Variants in UBE3C observed in about 807,000 individuals in gnomAD.
UBE3C encodes ubiquitin-protein ligase E3C.
Under a neutral mutation model 129.4 loss-of-function variants are expected in UBE3C, and 42 were observed. The observed-to-expected ratio is 0.32, with a 90% CI of 0.25 to 0.42. The LOEUF is 0.42. UBE3C is among the 10% of genes least tolerant of loss of function. The pLI is 1.00. For synonymous variants in UBE3C, 510 were observed against 492.4 expected (o/e 1.04, Z -0.47); for missense variants, 1,049 against 1,319.1 (o/e 0.80, Z 3.17).
At chr7:157,224,361 A>G (rs1306444696) in intron 16 of UBE3C, among the ~76,000 whole-genome samples, 6 of 151,786 alleles carry the variant, frequency 4.0e-5, no homozygotes, top group Non-Finnish European at 8.8e-5. Flanking sequence ...TGCCTGGCTA[A>G]TTTTTTGTAT....
intron 13 of UBE3C, among the ~76,000 whole-genome samples, chr7:157,214,022 G>A (rs891976054): frequency 5.3e-5 from 8 of 151,972 alleles, no homozygotes; most frequent in East Asian, 1.9e-4. Context: ...CCACAGTGCC[G>A]TCTATCTTGA....
intron 22 of UBE3C, among the ~76,000 whole-genome samples, chr7:157,258,693 C>T (rs1354213589): frequency 5.9e-5 from 9 of 152,186 alleles, no homozygotes; most frequent in Admixed American, 2.0e-4. Context: ...CTCCTGACCT[C>T]AGGTGATCCA....
At chr7:157,156,883 C>T (rs1351157925) in intron 1 of UBE3C, among the ~76,000 whole-genome samples, 1 of 152,012 alleles carries the variant, frequency 6.6e-6, no homozygotes, top group Non-Finnish European at 1.5e-5. Context: ...TAATTTTCAG[C>T]AGCCAAAAAA....
Position 157,181,593 on chromosome 7 carries a change from T to C in UBE3C, c.692T>C (p.Val231Ala). ...ATTGAATATTCTGATTTATCTCGAG[T>C]TCCTATAGCAAAAATTTTGCTAGAG... ...SSIEYSDLSR[V>A]PIAKILLENV... Residue 231 changes from valine (V) to alanine (A), a missense_variant, in exon 7 of 23, where the codon GTT becomes GCT. Coordinates refer to ENST00000348165, the MANE Select transcript of UBE3C (RefSeq NM_014671.3). 1 of 1,613,590 alleles carries C rather than the reference T, an allele frequency of 6.2e-7. No homozygotes were observed. Among genetic ancestry groups the C allele is most frequent in the Non-Finnish European group, 8.5e-7 (1 of 1,179,770 alleles).
intron 10 of UBE3C, among the ~76,000 whole-genome samples, chr7:157,196,336 A>G (rs900629503): frequency 6.6e-6 from 1 of 152,236 alleles, no homozygotes; most frequent in Admixed American, 6.5e-5. Context: ...GTAACTTGTT[A>G]TGGTGGCAAT....
intron 1 of UBE3C, among the ~76,000 whole-genome samples, chr7:157,150,834 G>A (rs544575221): frequency 1.3e-5 from 2 of 152,306 alleles, no homozygotes; most frequent in East Asian, 3.9e-4. Flanking sequence ...TTATTGCTGT[G>A]TAATAGAGCT....
intron 16 of UBE3C, among the ~76,000 whole-genome samples, chr7:157,224,557 G>A (rs1044084727): frequency 1.4e-4 from 21 of 152,078 alleles, no homozygotes; most frequent in Admixed American, 2.6e-4. Context: ...TGTCTTTGAT[G>A]TACAAAACTT....
In UBE3C at chr7:157,267,887, C is replaced by T. The variant is rs76065469; in HGVS notation, c.*132C>T. On this transcript the variant is annotated 3_prime_UTR_variant, in exon 23 of 23. Coordinates refer to ENST00000348165, the MANE Select transcript of UBE3C (RefSeq NM_014671.3). The stretch of plus-strand genomic sequence containing the variant: ...AGCTCCTTCTTTCATTCTGCCATTC[C>T]TCCCTCCCTTCCTTTTTTAAATGAT... 1,548 of 678,226 alleles carry T rather than the reference C, an allele frequency of 2.3e-3. 2 individuals are homozygous for T. The highest frequency in any genetic ancestry group is 4.7e-3 in the Admixed American group (129 of 27,534). The allele number at this position is 678,226 out of a possible 1,614,324, so 42.0% of individuals were successfully genotyped here.
chr7:157,264,238 TACAC>T (rs139566083), intron 22 of UBE3C, among the ~76,000 whole-genome samples: 2,378 of 125,404 alleles, frequency 0.019, 82 homozygotes, highest in African/African-American at 0.07. Flanking sequence ...CTCGGCCTGT[TACAC>T]ACACACACAC....
chr7:157,254,239 C>T lies in UBE3C; in HGVS notation c.2884-5C>T, dbSNP rs772312872. The T allele has an allele frequency of 2.5e-6, 4 of 1,612,128 alleles. No individual in the cohort carries two copies. The highest frequency in any genetic ancestry group is 2.5e-6 in the Non-Finnish European group (3 of 1,179,524). ...AAATGTTATTATTTGAACTTTTTTC[C>T]TTAGGTATTAATTTCTGGTGCACAA... On this transcript the variant is annotated splice_region_variant and splice_polypyrimidine_tract_variant and intron_variant, in intron 20 of 22. Coordinates refer to ENST00000348165, the MANE Select transcript of UBE3C (RefSeq NM_014671.3).
intron 18 of UBE3C, among the ~76,000 whole-genome samples, chr7:157,248,076 A>G (rs543269358): frequency 6.6e-6 from 1 of 152,246 alleles, no homozygotes; most frequent in South Asian, 2.1e-4. Context: ...GAGGAGGAGC[A>G]TTTGTTGGCT....
rs983572680 is a variant in UBE3C at position 157,267,951 on chromosome 7, C to T, written c.*196C>T. 12 of 476,680 alleles carry T rather than the reference C, an allele frequency of 2.5e-5. No homozygotes were observed. The highest frequency in any genetic ancestry group is 2.2e-4 in the African/African-American group (11 of 49,252). The allele number at this position is 476,680 out of a possible 1,614,324, so 29.5% of individuals were successfully genotyped here. ...TGGTCACTTATTTAGATGGACATTG[C>T]TTTTCAAATAACTTAAAATAACACG... On this transcript the variant is annotated 3_prime_UTR_variant, in exon 23 of 23. Transcript: ENST00000348165.
intron 18 of UBE3C, among the ~76,000 whole-genome samples, chr7:157,247,711 A>T (rs1268598464): frequency 6.6e-6 from 1 of 152,126 alleles, no homozygotes; most frequent in Non-Finnish European, 1.5e-5. Context: ...AAAGAGCATA[A>T]GTAATATTTC....
chr7:157,242,527 T>TGG (rs1796364312), intron 18 of UBE3C, among the ~76,000 whole-genome samples: 1 of 143,056 alleles, frequency 7.0e-6, no homozygotes, highest in Non-Finnish European at 1.5e-5. Flanking sequence ...TTTTTTTTTT[T>TGG]TTTTTTTTTT....
At chr7:157,207,991 G>A in intron 13 of UBE3C, 56 bp downstream of exon 13, 3 of 1,004,574 alleles carry the variant, frequency 3.0e-6, no homozygotes, top group Admixed American at 4.6e-5. Context: ...ACAAACTTTT[G>A]TCTTGACTCG....
chr7:157,265,200 G>A (rs1420424304), intron 22 of UBE3C, among the ~76,000 whole-genome samples: 1 of 152,186 alleles, frequency 6.6e-6, no homozygotes, highest in Middle Eastern at 3.2e-3. Flanking sequence ...AGAGTTTCGT[G>A]TACACGTGTG....
chr7:157,267,472 A>G, intron 22 of UBE3C, 113 bp from the exon 23 acceptor site: 1 of 1,272,782 alleles, frequency 7.9e-7, no homozygotes, highest in Non-Finnish European at 1.1e-6. Flanking sequence ...GGAAAATGTG[A>G]CTGCAATGGT....
intron 22 of UBE3C, among the ~76,000 whole-genome samples, chr7:157,260,903 C>A (rs374586429): frequency 2.6e-5 from 4 of 152,324 alleles, no homozygotes; most frequent in Non-Finnish European, 5.9e-5. Flanking sequence ...CGAGAGCCTT[C>A]TCCACCTCCG....
At chr7:157,237,772 G>A (rs1313152927) in intron 18 of UBE3C, among the ~76,000 whole-genome samples, 4 of 152,070 alleles carry the variant, frequency 2.6e-5, no homozygotes, top group African/African-American at 4.8e-5. Context: ...AGTGTTGGGT[G>A]CAGTAGCTCA....
Sources: allele counts gnomAD v4.1 joint callset (sites outside exome capture counted in the v4.1 genomes callset), GRCh38; gene constraint gnomAD v4.1.1; transcripts MANE v1.5; gene names NCBI Gene and HGNC (gene_info 2026-07-23, HGNC 2026-07-21).